Variants in GRIP1 observed in about 807,000 individuals in gnomAD.
GRIP1 encodes the protein glutamate receptor-interacting protein 1.
Under a neutral mutation model 129.9 loss-of-function variants are expected in GRIP1, and 45 were observed. The ratio of observed to expected loss-of-function variants is 0.35; its 90% CI spans 0.27 to 0.44. The LOEUF (loss-of-function observed/expected upper bound fraction) is 0.44. Among genes scored for constraint, GRIP1 ranks in the 20% least tolerant of loss-of-function variants. GRIP1 has a pLI of 1.00. For synonymous variants in GRIP1, 530 were observed against 520.8 expected, an observed-to-expected ratio of 1.02 and a Z score of -0.24; for missense variants, 1,196 against 1,396.8, an observed-to-expected ratio of 0.86 and a Z score of 2.29.
At chr12:66,952,156 T>C (rs1005192620) in intron 1 of GRIP1, among the ~76,000 whole-genome samples, 2 of 151,846 alleles carry the variant, frequency 1.3e-5, no homozygotes, top group Admixed American at 1.3e-4. Flanking sequence ...AGCAACGGGA[T>C]TGAGCCTTGA....
chr12:66,433,014 C>A (rs1390867546), intron 13 of GRIP1, among the ~76,000 whole-genome samples: 1 of 152,082 alleles, frequency 6.6e-6, no homozygotes, highest in Non-Finnish European at 1.5e-5. Flanking sequence ...AGTTTAAGAA[C>A]CTTAGGTCCT....
chr12:66,504,870 C>T (rs1016026262), intron 7 of GRIP1, among the ~76,000 whole-genome samples: 111 of 152,116 alleles, frequency 7.3e-4, no homozygotes, highest in African/African-American at 2.5e-3. Flanking sequence ...ATCCTTTATG[C>T]CAGGCACATT....
chr12:66,911,122 C>T (rs2041022077), intron 1 of GRIP1, among the ~76,000 whole-genome samples: 1 of 152,138 alleles, frequency 6.6e-6, no homozygotes. Flanking sequence ...GCAAATTATG[C>T]AAAACTCAGA....
chr12:66,977,804 A>AGCATTTT (rs1246608445), intron 1 of GRIP1, among the ~76,000 whole-genome samples: 10 of 121,394 alleles, frequency 8.2e-5, no homozygotes, highest in African/African-American at 2.9e-4. Context: ...TCTAGAGCTG[A>AGCATTTT]GCATTTTTTT....
intron 7 of GRIP1, among the ~76,000 whole-genome samples, chr12:66,492,981 G>C (rs887740981): frequency 4.6e-5 from 7 of 150,580 alleles, no homozygotes; most frequent in Non-Finnish European, 8.8e-5. Context: ...CTGCACTCCA[G>C]CCTGGGTGAC....
At chr12:66,493,305 C>T (rs1454030200) in intron 7 of GRIP1, among the ~76,000 whole-genome samples, 2 of 152,086 alleles carry the variant, frequency 1.3e-5, no homozygotes, top group Non-Finnish European at 1.5e-5. Context: ...ATCCTGAAGG[C>T]CTCCTAGCAT....
intron 1 of GRIP1, among the ~76,000 whole-genome samples, chr12:66,828,112 T>G (rs1232285803): frequency 2.0e-5 from 3 of 152,218 alleles, no homozygotes; most frequent in Non-Finnish European, 4.4e-5. Flanking sequence ...TGACATAAAT[T>G]ACCAGCTTTG....
intron 1 of GRIP1, among the ~76,000 whole-genome samples, chr12:66,731,014 A>T (rs1440196512): frequency 6.6e-6 from 1 of 152,132 alleles, no homozygotes; most frequent in African/African-American, 2.4e-5. Flanking sequence ...TGTTGGTTAA[A>T]TAACAAAGGG....
In GRIP1 at chr12:66,400,627, C is replaced by T. The variant is rs1054301114; in HGVS notation, c.1984+5656G>A. Among the ~76,000 whole-genome samples the T allele has an allele frequency of 1.4e-4, 22 of 152,010 alleles. 1 individual carries two copies. Among genetic ancestry groups the T allele is most frequent in the Non-Finnish European group, 4.4e-5 (3 of 68,004 alleles). On this transcript the variant is annotated intron_variant, in intron 16 of 24. Coordinates refer to ENST00000359742, the MANE Select transcript of GRIP1 (RefSeq NM_001366722.1). ...CAGCCTGAAAATGGTTTTTTTTAAA[C>T]ACAGATTACAGCCCATGAAGGTAAA...
At chr12:66,612,212 G>A (rs2064831213) in intron 1 of GRIP1, among the ~76,000 whole-genome samples, 1 of 152,112 alleles carries the variant, frequency 6.6e-6, no homozygotes, top group Non-Finnish European at 1.5e-5. Flanking sequence ...TCTTCCTTGT[G>A]CAAACATCAG....
chr12:66,887,042 C>T (rs938085118), intron 1 of GRIP1, among the ~76,000 whole-genome samples: 2 of 152,190 alleles, frequency 1.3e-5, no homozygotes, highest in Non-Finnish European at 2.9e-5. Flanking sequence ...AATTTCAAAT[C>T]TGGAAAGTTG....
chr12:66,610,045 T>C (rs1439316215), intron 1 of GRIP1, among the ~76,000 whole-genome samples: 6 of 152,160 alleles, frequency 3.9e-5, no homozygotes, highest in Admixed American at 3.3e-4. Context: ...TTTAGAAGTG[T>C]ACTCCTAAGG....
Position 66,701,205 on chromosome 12 carries a change from A to G in GRIP1, c.-419-70869T>C, listed in dbSNP as rs543491999. 4.3e-4 allele frequency among the ~76,000 whole-genome samples: 65 copies of G among 152,204 alleles called. No homozygotes were observed. In the South Asian group the frequency reaches 0.012, roughly 28 times the overall value. ...CTTTCCCCTATCACTTGAATTCCAA[A>G]GTGTTCTTCTGGGACTCCTCTGCCT... On this transcript the variant is annotated intron_variant, in intron 1 of 4. Transcript: ENST00000538373.
chr12:66,656,803 G>A (rs922452673), intron 1 of GRIP1, among the ~76,000 whole-genome samples: 2 of 152,018 alleles, frequency 1.3e-5, no homozygotes, highest in Non-Finnish European at 2.9e-5. Context: ...TTTGCAACCC[G>A]ACCTCCTCTT....
At chr12:66,457,624 T>A (rs539617151) in intron 9 of GRIP1, among the ~76,000 whole-genome samples, 26 of 152,342 alleles carry the variant, frequency 1.7e-4, no homozygotes, top group African/African-American at 6.3e-4. Context: ...CAAGTGAATA[T>A]GTAGAGAGGT....
At chr12:66,813,767 G>T (rs974952335) in intron 1 of GRIP1, among the ~76,000 whole-genome samples, 1 of 152,182 alleles carries the variant, frequency 6.6e-6, no homozygotes, top group East Asian at 1.9e-4. Flanking sequence ...GCAGACAGGG[G>T]CCAGCTCACC....
At chr12:66,985,191 G>A (rs555758876) in intron 1 of GRIP1, among the ~76,000 whole-genome samples, 8 of 152,158 alleles carry the variant, frequency 5.3e-5, no homozygotes, top group Admixed American at 2.0e-4. Context: ...AAGCCACATA[G>A]TATCACTTCC....
In GRIP1 at chr12:66,364,289, AAGAAAG is replaced by A. The variant is rs1229202115; in HGVS notation, c.3012+7399_3012+7404del. On this transcript the variant is annotated intron_variant, in intron 23 of 24. Coordinates refer to ENST00000359742, the MANE Select transcript of GRIP1 (RefSeq NM_001366722.1). ...TCAAAAAAAAAAAAAAAAAAAAAAA[AAGAAAG>A]AAAGAAAGAAAGAAAGAAATGATAA... Among the ~76,000 whole-genome samples the A allele has an allele frequency of 5.5e-3, 618 of 111,502 alleles. 14 individuals carry two copies. Among genetic ancestry groups the A allele is most frequent in the African/African-American group, 0.02 (581 of 28,630 alleles). The allele number at this position is 111,502 out of a possible 152,430, so 73.1% of individuals were successfully genotyped here.
chr12:66,979,938 T>C (rs1420046803), intron 1 of GRIP1, among the ~76,000 whole-genome samples: 3 of 152,138 alleles, frequency 2.0e-5, no homozygotes, highest in Non-Finnish European at 2.9e-5. Flanking sequence ...TTTGGACTTC[T>C]AACCTCCAGA....
Sources: gnomAD v4.1 joint callset for allele counts (sites outside exome capture counted in the v4.1 genomes callset) on GRCh38, gnomAD v4.1.1 for gene constraint, MANE v1.5 for transcripts, NCBI Gene and HGNC (gene_info 2026-07-23, HGNC 2026-07-21) for gene names.